GPHN: variants seen among roughly 807,000 people sequenced by gnomAD.
The protein encoded by GPHN is gephyrin.
Under a neutral mutation model 95.5 loss-of-function variants are expected in GPHN, and 17 were observed. The ratio of observed to expected loss-of-function variants is 0.18; its 90% confidence interval spans 0.12 to 0.27. The LOEUF (loss-of-function observed/expected upper bound fraction) is 0.27. GPHN is among the 10% of genes least tolerant of loss of function. The probability of loss-of-function intolerance (pLI) is 1.00; values close to 1 mark genes in which losing one functional copy is unlikely to be tolerated. For synonymous variants in GPHN, 320 were observed against 322.5 expected (o/e 0.99, Z 0.08); for missense variants, 660 against 978.1 (o/e 0.67, Z 4.34).
chr14:66,940,666 G>T (rs2067377241), intron 8 of GPHN, among the ~76,000 whole-genome samples: 3 of 152,194 alleles, frequency 2.0e-5, no homozygotes, highest in Admixed American at 2.0e-4. Flanking sequence ...GCAGGAATCA[G>T]TCATGCTCAC....
chr14:66,683,374 A>ATATG (rs2067104192), intron 2 of GPHN, among the ~76,000 whole-genome samples: 2 of 121,632 alleles, frequency 1.6e-5, no homozygotes, highest in African/African-American at 7.5e-5. Context: ...ATATATATAT[A>ATATG]TATATGTTCA....
chr14:66,789,817 A>C (rs1360010789), intron 3 of GPHN, among the ~76,000 whole-genome samples: 1 of 152,192 alleles, frequency 6.6e-6, no homozygotes, highest in Non-Finnish European at 1.5e-5. Context: ...CTGTAATCCA[A>C]ACGTGCAGAG....
chr14:67,690,137 AAC>A, the GPHN span: 1 of 1,366,562 alleles, frequency 7.3e-7, no homozygotes, highest in Non-Finnish European at 1.0e-6. Context: ...GGGCTCTGGA[AAC>A]AGTTTCCATT....
intron 17 of GPHN, among the ~76,000 whole-genome samples, chr14:67,131,213 T>A (rs1250528015): frequency 6.6e-6 from 1 of 152,050 alleles, no homozygotes; most frequent in Non-Finnish European, 1.5e-5. Context: ...TTTTTTTTTT[T>A]CTTTTTTCTC....
the GPHN span, among the ~76,000 whole-genome samples, chr14:67,232,813 G>C: frequency 6.6e-6 from 1 of 152,196 alleles, no homozygotes; most frequent in Admixed American, 6.5e-5. Context: ...GCCCTGAGCT[G>C]AGATAACAAG....
chr14:66,850,709 G>T (rs1176032540), intron 4 of GPHN, among the ~76,000 whole-genome samples: 2 of 152,064 alleles, frequency 1.3e-5, no homozygotes, highest in East Asian at 3.9e-4. Flanking sequence ...AGAATTATCT[G>T]ACCCAAAATG....
At chr14:67,515,924 G>A in the GPHN span, among the ~76,000 whole-genome samples, 1 of 152,256 alleles carries the variant, frequency 6.6e-6, no homozygotes, top group Non-Finnish European at 1.5e-5. Flanking sequence ...TGGAAGTTAA[G>A]GAATTTGCCT....
At chr14:67,392,257 T>A in the GPHN span, 1 of 1,051,520 alleles carries the variant, frequency 9.5e-7, no homozygotes, top group Admixed American at 1.7e-5. Context: ...TCCCTTCTTC[T>A]GGGCTCACTG....
the GPHN span, among the ~76,000 whole-genome samples, chr14:67,337,189 A>G: frequency 2.0e-5 from 3 of 152,240 alleles, no homozygotes; most frequent in African/African-American, 7.2e-5. Flanking sequence ...GAGATGTTAA[A>G]TGCTTGCAAA....
chr14:66,996,317 C>A, intron 9 of GPHN: 1 of 797,596 alleles, frequency 1.3e-6, no homozygotes, highest in Non-Finnish European at 2.1e-6. Context: ...TTTTGCCTTG[C>A]ACTTTGCACT....
the GPHN span, among the ~76,000 whole-genome samples, chr14:67,225,951 G>GTGTGTGTGTGTGTT: frequency 1.2e-4 from 17 of 138,180 alleles, no homozygotes; most frequent in Non-Finnish European, 2.6e-4. Context: ...GTGTGTGTGT[G>GTGTGTGTGTGTGTT]TGTGTGTGTG....
intron 2 of GPHN, among the ~76,000 whole-genome samples, chr14:66,714,109 G>A (rs528537645): frequency 1.3e-5 from 2 of 152,232 alleles, no homozygotes; most frequent in South Asian, 4.2e-4. Flanking sequence ...ACCCATCCAC[G>A]AGTGTGGGAT....
chr14:67,231,619 G>A, the GPHN span, among the ~76,000 whole-genome samples: 1 of 152,032 alleles, frequency 6.6e-6, no homozygotes, highest in East Asian at 1.9e-4. Flanking sequence ...TTACATTAGT[G>A]TGTATATTTA....
At chr14:67,322,724 C>A in the GPHN span, among the ~76,000 whole-genome samples, 1 of 151,814 alleles carries the variant, frequency 6.6e-6, no homozygotes, top group South Asian at 2.1e-4. Flanking sequence ...TTTTAAAATT[C>A]TTATTTCTCC....
chr14:66,781,047 C>A (rs1018895927), intron 3 of GPHN, among the ~76,000 whole-genome samples: 1 of 151,990 alleles, frequency 6.6e-6, no homozygotes, highest in Non-Finnish European at 1.5e-5. Flanking sequence ...TTTTCTAGCA[C>A]CAGAAATTAT....
At chr14:67,525,631 T>G in the GPHN span, among the ~76,000 whole-genome samples, 1 of 152,252 alleles carries the variant, frequency 6.6e-6, no homozygotes, top group Non-Finnish European at 1.5e-5. Flanking sequence ...AAGGTCCTAG[T>G]AACATTTTAG....
rs570924088 is a variant in GPHN at position 67,004,320 on chromosome 14, C to G, written c.964-19313C>G. 1.3e-3 allele frequency among the ~76,000 whole-genome samples: 201 copies of G among 151,838 alleles called. 1 individual carries two copies. Among genetic ancestry groups the G allele is most frequent in the African/African-American group, 3.8e-3 (159 of 41,510 alleles). The stretch of plus-strand genomic sequence containing the variant: ...TGTTATTTTTCCTTGGTTGTTTATA[C>G]TTTCAGTTTTGCTGAAACTACCAGT... On this transcript the variant is annotated intron_variant, in intron 9 of 22. Transcript: ENST00000478722.
At chr14:66,541,849 A>T (rs1283611166) in intron 1 of GPHN, among the ~76,000 whole-genome samples, 1 of 152,234 alleles carries the variant, frequency 6.6e-6, no homozygotes, top group Non-Finnish European at 1.5e-5. Flanking sequence ...AATGATGTGA[A>T]TGAGACACAT....
At chr14:66,836,392 G>C (rs1399159431) in intron 4 of GPHN, among the ~76,000 whole-genome samples, 1 of 145,514 alleles carries the variant, frequency 6.9e-6, no homozygotes, top group Admixed American at 6.8e-5. Flanking sequence ...CTAGCCGTAT[G>C]TAGAAAGCTG....
Sources: gnomAD v4.1 joint callset for allele counts (sites outside exome capture counted in the v4.1 genomes callset) on GRCh38, gnomAD v4.1.1 for gene constraint, MANE v1.5 for transcripts, NCBI Gene and HGNC (gene_info 2026-07-23, HGNC 2026-07-21) for gene names.